SYNDIG1: variants seen among roughly 807,000 people sequenced by gnomAD.
SYNDIG1 encodes synapse differentiation-inducing gene protein 1.
A neutral mutation model predicts 19.4 loss-of-function variants in SYNDIG1; 9 were observed. The ratio of observed to expected loss-of-function variants is 0.46; its 90% CI spans 0.28 to 0.81. The LOEUF (loss-of-function observed/expected upper bound fraction) is 0.81. Ranked by LOEUF, SYNDIG1 falls within the 30% of genes least tolerant of loss-of-function variation. The pLI, the probability that SYNDIG1 is intolerant of heterozygous loss-of-function variation, is 0.12. For missense variants in SYNDIG1, 311 were observed against 343.3 expected, an observed-to-expected ratio of 0.91 and a Z score of 0.74; for synonymous variants, 141 against 145.9, an observed-to-expected ratio of 0.97 and a Z score of 0.24.
chr20:24,573,080 T>C (rs946228692), intron 2 of SYNDIG1, among the ~76,000 whole-genome samples: 2 of 152,204 alleles, frequency 1.3e-5, no homozygotes, highest in Non-Finnish European at 2.9e-5. Flanking sequence ...TTCTGGCTCC[T>C]GGCGGTGGTT....
At chr20:24,646,795 C>G (rs903081526) in intron 3 of SYNDIG1, among the ~76,000 whole-genome samples, 1 of 151,976 alleles carries the variant, frequency 6.6e-6, no homozygotes, top group Non-Finnish European at 1.5e-5. Flanking sequence ...CTAATTTTTG[C>G]ATGTTTAGTA....
chr20:24,532,051 T>C (rs1405779830), intron 1 of SYNDIG1, among the ~76,000 whole-genome samples: 2 of 152,216 alleles, frequency 1.3e-5, no homozygotes, highest in Non-Finnish European at 2.9e-5. Flanking sequence ...TTCCAGGCCA[T>C]ACACAAAATG....
intron 3 of SYNDIG1, among the ~76,000 whole-genome samples, chr20:24,616,825 C>T (rs1377740439): frequency 6.6e-6 from 1 of 152,224 alleles, no homozygotes; most frequent in Non-Finnish European, 1.5e-5. Context: ...GTATGCACTT[C>T]CCAACCCTTC....
At chr20:24,577,006 A>T (rs549700917) in intron 2 of SYNDIG1, among the ~76,000 whole-genome samples, 2 of 145,326 alleles carry the variant, frequency 1.4e-5, no homozygotes, top group Non-Finnish European at 3.1e-5. Context: ...AGTATGTGAA[A>T]TATCCTCTTT....
intron 3 of SYNDIG1, among the ~76,000 whole-genome samples, chr20:24,647,326 C>G (rs911788989): frequency 1.3e-5 from 2 of 152,140 alleles, no homozygotes; most frequent in Admixed American, 6.5e-5. Flanking sequence ...AACCTGTTTC[C>G]CTGGAGCTGA....
At chr20:24,508,270 C>T (rs1279218424) in intron 1 of SYNDIG1, among the ~76,000 whole-genome samples, 2 of 124,946 alleles carry the variant, frequency 1.6e-5, no homozygotes, top group East Asian at 2.4e-4. Flanking sequence ...ACTCTGTAGC[C>T]CAGGCTGGAG....
chr20:24,524,562 C>T (rs1043015723), intron 1 of SYNDIG1, among the ~76,000 whole-genome samples: 4 of 151,686 alleles, frequency 2.6e-5, no homozygotes, highest in East Asian at 3.9e-4. Flanking sequence ...AGGAGAACGG[C>T]GTGAACCCGG....
intron 2 of SYNDIG1, among the ~76,000 whole-genome samples, chr20:24,581,554 C>G (rs1365444870): frequency 1.3e-5 from 2 of 152,052 alleles, no homozygotes; most frequent in Non-Finnish European, 2.9e-5. Context: ...CCTTCTGAAG[C>G]TCAGCAGTTC....
intron 1 of SYNDIG1, among the ~76,000 whole-genome samples, chr20:24,497,246 A>C (rs542740804): frequency 4.6e-5 from 7 of 152,232 alleles, no homozygotes; most frequent in African/African-American, 1.7e-4. Context: ...TGTGCTGCCC[A>C]GGCTGAGTGC....
intron 2 of SYNDIG1, among the ~76,000 whole-genome samples, chr20:24,550,931 C>A (rs1176339848): frequency 3.3e-5 from 5 of 152,186 alleles, no homozygotes; most frequent in Non-Finnish European, 5.9e-5. Flanking sequence ...ATAAGGATTT[C>A]TGTGCCTATA....
chr20:24,544,114 G>T (rs935297022), intron 2 of SYNDIG1, among the ~76,000 whole-genome samples: 5 of 152,208 alleles, frequency 3.3e-5, no homozygotes, highest in Non-Finnish European at 7.3e-5. Flanking sequence ...TGACTTCTTA[G>T]ATGACTCGCT....
rs1285265257 is a variant in SYNDIG1, at chr20:24,666,577, T to C, written c.*1073T>C. 6.6e-6 allele frequency: 1 copy of C among 152,612 alleles called. No individual in the cohort carries two copies. The highest frequency in any genetic ancestry group is 1.5e-5 in the Non-Finnish European group (1 of 68,038). The allele number at this position is 152,612 out of a possible 1,614,324, so 9.5% of individuals were successfully genotyped here. On this transcript the variant is annotated 3_prime_UTR_variant, in exon 4 of 4. Transcript: ENST00000376862. The stretch of plus-strand genomic sequence containing the variant: ...GTGTTCATTACTTAACAAAAAATTA[T>C]CTTTTAGCTTTTTCGCTTAAGACTT...
Position 24,576,178 on chromosome 20 carries a change from G to T in SYNDIG1, c.481-8678G>T, listed in dbSNP as rs73905115. On this transcript the variant is annotated intron_variant, in intron 2 of 3. Coordinates refer to ENST00000376862, the MANE Select transcript of SYNDIG1 (RefSeq NM_024893.3). ...TTTCCCCATTTTCAGGGGCACAAAG[G>T]TACATATATCCTTGTGACTACAGCA... 3.4e-3 allele frequency among the ~76,000 whole-genome samples: 513 copies of T among 152,268 alleles called. 4 individuals carry two copies. Among genetic ancestry groups the T allele is most frequent in the African/African-American group, 0.012 (485 of 41,548 alleles).
chr20:24,510,526 G>A (rs1368266538), intron 1 of SYNDIG1, among the ~76,000 whole-genome samples: 6 of 148,586 alleles, frequency 4.0e-5, no homozygotes, highest in African/African-American at 7.5e-5. Flanking sequence ...CCGAGATTGC[G>A]CCATTGCACT....
intron 2 of SYNDIG1, among the ~76,000 whole-genome samples, chr20:24,581,940 C>G (rs535479012): frequency 2.0e-5 from 3 of 150,094 alleles, no homozygotes; most frequent in African/African-American, 7.4e-5. Flanking sequence ...CCCACCTGCA[C>G]ATCCTCCCTG....
chr20:24,559,197 G>T (rs551236500), intron 2 of SYNDIG1, among the ~76,000 whole-genome samples: 2 of 152,184 alleles, frequency 1.3e-5, no homozygotes, highest in Non-Finnish European at 1.5e-5. Context: ...GCAGCAACAT[G>T]GATGGAACTG....
intron 3 of SYNDIG1, among the ~76,000 whole-genome samples, chr20:24,649,220 A>C (rs2059447506): frequency 6.6e-6 from 1 of 152,206 alleles, no homozygotes; most frequent in Non-Finnish European, 1.5e-5. Context: ...AAGGGGAGCC[A>C]CCTGGAAGTA....
intron 3 of SYNDIG1, among the ~76,000 whole-genome samples, chr20:24,646,448 AG>A (rs936808149): frequency 9.9e-5 from 15 of 152,242 alleles, no homozygotes; most frequent in Admixed American, 5.2e-4. Flanking sequence ...CTTGGGTGTG[AG>A]GGAGCTCTGT....
At chr20:24,617,355 C>T (rs953039941) in intron 3 of SYNDIG1, among the ~76,000 whole-genome samples, 7 of 152,192 alleles carry the variant, frequency 4.6e-5, no homozygotes, top group African/African-American at 1.7e-4. Context: ...CACCTCCGCA[C>T]CCAGCTGACT....
Sources: allele counts gnomAD v4.1 joint callset (sites outside exome capture counted in the v4.1 genomes callset), GRCh38; gene constraint gnomAD v4.1.1; transcripts MANE v1.5; gene names NCBI Gene and HGNC (gene_info 2026-07-23, HGNC 2026-07-21).